FAM186B: variants seen among roughly 807,000 people sequenced by gnomAD.
FAM186B encodes protein FAM186B.
FAM186B carries 68 observed loss-of-function variants against 83.4 expected under a neutral mutation model. The ratio of observed to expected loss-of-function variants is 0.81; its 90% CI spans 0.67 to 1.00. The LOEUF is 1.00. Ranked by LOEUF, FAM186B falls within the 50% of genes least tolerant of loss-of-function variation. The pLI, the probability that FAM186B is intolerant of heterozygous loss-of-function variation, is 0.00. For synonymous variants in FAM186B, 389 were observed against 422.0 expected, an observed-to-expected ratio of 0.92 and a Z score of 0.96; for missense variants, 983 against 1,099.2, an observed-to-expected ratio of 0.89 and a Z score of 1.49.
Position 49,587,568 on chromosome 12 carries a change from G to T in FAM186B, c.*37C>A. Reference sequence around the variant, plus strand: ...TTGACCATCAGCCTCGCACCTTACTGGGCCTTCAGGAAGTTCAGGCTTTTG... The same window carrying T: ...TTGACCATCAGCCTCGCACCTTACTTGGCCTTCAGGAAGTTCAGGCTTTTG... On this transcript the variant is annotated 3_prime_UTR_variant, in exon 7 of 7. Coordinates refer to ENST00000257894, the MANE Select transcript of FAM186B (RefSeq NM_032130.3). The T allele has an allele frequency of 6.2e-7, 1 of 1,613,626 alleles. No individual in the cohort carries two copies. Among genetic ancestry groups the T allele is most frequent in the Non-Finnish European group, 8.5e-7 (1 of 1,179,598 alleles).
intron 3 of FAM186B, among the ~76,000 whole-genome samples, chr12:49,602,778 G>A (rs941576550): frequency 1.3e-5 from 2 of 152,234 alleles, no homozygotes; most frequent in Admixed American, 6.5e-5. Context: ...GCTATTTGCT[G>A]ATGGACCACC....
At chr12:49,605,246 G>C (rs1158438375) in intron 1 of FAM186B, 136 bp downstream of exon 1, 16 of 1,513,148 alleles carry the variant, frequency 1.1e-5, no homozygotes, top group Admixed American at 2.1e-5. Flanking sequence ...ATACTAATCT[G>C]TCTGCAGACC....
upstream of FAM186B, among the ~76,000 whole-genome samples, chr12:49,609,989 T>C (rs542963501): frequency 6.6e-6 from 1 of 152,270 alleles, no homozygotes; most frequent in Admixed American, 6.5e-5. Context: ...CTCTTACTTA[T>C]AAGTGCCATC....
intron 5 of FAM186B, among the ~76,000 whole-genome samples, chr12:49,589,903 C>T (rs568960257): frequency 4.7e-4 from 70 of 147,398 alleles, no homozygotes; most frequent in African/African-American, 1.7e-3. Context: ...ATTGCTTGAA[C>T]GCAGGAGGCA....
upstream of FAM186B, among the ~76,000 whole-genome samples, chr12:49,607,409 A>G (rs577298013): frequency 1.3e-5 from 2 of 152,254 alleles, no homozygotes; most frequent in East Asian, 3.9e-4. Flanking sequence ...CTTTATGCCA[A>G]TAAAGTTGGT....
downstream of FAM186B, chr12:49,587,481 G>A (rs1014354175): frequency 2.3e-5 from 32 of 1,367,510 alleles, no homozygotes; most frequent in Non-Finnish European, 3.2e-5. Flanking sequence ...TCTATCTGGT[G>A]TGGGATAGCA....
Position 49,599,501 on chromosome 12 carries a change from C to CCA in FAM186B, c.2138_2139insTG (p.Lys713AsnfsTer23). ...TCTGGAGGCGTCTATAGAAGATGTA[C>CCA]TTATGGCACAGGTACTGCAGCCTGA... is the stretch of plus-strand genomic sequence containing the variant. On this transcript the variant is annotated frameshift_variant, in exon 4 of 7. Transcript: ENST00000257894. LOFTEE classifies it high-confidence loss of function. 1 of 1,564,518 alleles carries CCA rather than the reference C, an allele frequency of 6.4e-7. No individual in the cohort carries two copies. The highest frequency in any genetic ancestry group is 1.4e-5 in the African/African-American group (1 of 72,950).
At chr12:49,590,042 C>T (rs1259564667) in intron 5 of FAM186B, among the ~76,000 whole-genome samples, 1 of 146,960 alleles carries the variant, frequency 6.8e-6, no homozygotes, top group Non-Finnish European at 1.5e-5. Flanking sequence ...TTCCATTATT[C>T]CCAAGTTTCA....
chr12:49,605,335 C>T (rs770793738), intron 1 of FAM186B, 47 bp downstream of exon 1: 66 of 1,581,186 alleles, frequency 4.2e-5, no homozygotes, highest in Admixed American at 1.3e-4. Context: ...CCCCAGTCTC[C>T]GCATCAGATC....
chr12:49,594,677 C>T (rs970526087), intron 5 of FAM186B, among the ~76,000 whole-genome samples: 1 of 152,156 alleles, frequency 6.6e-6, no homozygotes, highest in Admixed American at 6.5e-5. Flanking sequence ...GAGTTTGAGA[C>T]CAGCCTGGCC....
chr12:49,611,733 C>T, the FAM186B span, among the ~76,000 whole-genome samples: 1 of 104,826 alleles, frequency 9.5e-6, no homozygotes, highest in African/African-American at 3.7e-5. Flanking sequence ...GTGGCATGCA[C>T]CTGTAGTCCC....
downstream of FAM186B, among the ~76,000 whole-genome samples, chr12:49,586,078 C>A (rs540672030): frequency 1.3e-4 from 20 of 152,344 alleles, no homozygotes; most frequent in African/African-American, 4.8e-4. Context: ...GCAGGCTCTG[C>A]CTCTGCACCT....
At chr12:49,583,375 C>A, downstream of FAM186B, 1 of 264,336 alleles carries the variant, frequency 3.8e-6, no homozygotes, top group Non-Finnish European at 7.6e-6. Flanking sequence ...TATAAAAATG[C>A]TTTCTAATTA....
In FAM186B at chr12:49,587,523, T is replaced by G; in HGVS notation, c.*82A>C. Reference sequence around the variant, plus strand: ...GTCATTGTTAAAGCCTGGAGAGAGATTTATTGGGGAGAATCCACATTGACC... The same window carrying G: ...GTCATTGTTAAAGCCTGGAGAGAGAGTTATTGGGGAGAATCCACATTGACC... On this transcript the variant is annotated 3_prime_UTR_variant, in exon 7 of 7. Transcript: ENST00000257894. The G allele has an allele frequency of 1.3e-6, 2 of 1,558,410 alleles. No homozygotes were observed. The highest frequency in any genetic ancestry group is 1.7e-5 in the Admixed American group (1 of 59,852).
At chr12:49,596,389 AGGTACTCTG>A (rs1939727542) in intron 5 of FAM186B, among the ~76,000 whole-genome samples, 1 of 151,342 alleles carries the variant, frequency 6.6e-6, no homozygotes, top group Admixed American at 6.6e-5. Flanking sequence ...AAAAAGACAT[AGGTACTCTG>A]GGCCACTCTG....
chr12:49,619,559 G>C, the FAM186B span: 2 of 684,930 alleles, frequency 2.9e-6, no homozygotes, highest in South Asian at 2.9e-5. Context: ...AGCAATGACT[G>C]TTGGTATGGG....
upstream of FAM186B, among the ~76,000 whole-genome samples, chr12:49,608,945 C>T (rs149963349): frequency 6.6e-6 from 1 of 152,270 alleles, no homozygotes; most frequent in Admixed American, 6.5e-5. Flanking sequence ...CAGGATGCCA[C>T]TTTTAATCCA....
intron 1 of FAM186B, chr12:49,604,764 G>T: frequency 2.2e-6 from 1 of 454,808 alleles, no homozygotes. Context: ...ACACAAAAGT[G>T]GTAGCTTTTA....
chr12:49,584,799 C>T (rs1036237474), downstream of FAM186B, among the ~76,000 whole-genome samples: 1 of 152,186 alleles, frequency 6.6e-6, no homozygotes, highest in African/African-American at 2.4e-5. Context: ...TCTCTTCCTG[C>T]GAATCTGCCT....
Sources: gnomAD v4.1 joint callset for allele counts (sites outside exome capture counted in the v4.1 genomes callset) on GRCh38, gnomAD v4.1.1 for gene constraint, MANE v1.5 for transcripts, NCBI Gene and HGNC (gene_info 2026-07-23, HGNC 2026-07-21) for gene names.